Variants in HS3ST4 observed in about 807,000 individuals in gnomAD.
HS3ST4 encodes the protein heparan sulfate glucosamine 3-O-sulfotransferase 4.
In HS3ST4, 17 loss-of-function variants were observed where a neutral mutation model predicts 29.2. That is an observed-to-expected ratio of 0.58 (90% CI 0.40 to 0.87). The LOEUF (loss-of-function observed/expected upper bound fraction) is 0.87. Among genes scored for constraint, HS3ST4 ranks in the 40% least tolerant of loss-of-function variants. The probability of loss-of-function intolerance (pLI) is 0.00; values close to 1 mark genes in which losing one functional copy is unlikely to be tolerated. For synonymous variants in HS3ST4, 314 were observed against 285.7 expected (o/e 1.10, Z -1.00); for missense variants, 627 against 634.5 (o/e 0.99, Z 0.13).
chr16:25,777,496 C>T (rs1041056796), intron 1 of HS3ST4, among the ~76,000 whole-genome samples: 5 of 152,006 alleles, frequency 3.3e-5, no homozygotes, highest in East Asian at 1.9e-4. Flanking sequence ...AGGCTGGGCG[C>T]GGTGGCTCGC....
chr16:26,001,790 A>G (rs371285657), intron 1 of HS3ST4, among the ~76,000 whole-genome samples: 2 of 152,152 alleles, frequency 1.3e-5, no homozygotes, highest in Non-Finnish European at 1.5e-5. Context: ...TCTTTTGAAG[A>G]AAGATCTCAC....
At chr16:25,897,164 A>G (rs372888398) in intron 1 of HS3ST4, among the ~76,000 whole-genome samples, 15 of 152,290 alleles carry the variant, frequency 9.8e-5, no homozygotes, top group African/African-American at 3.4e-4. Flanking sequence ...AGTTGAAAAA[A>G]ATACTGGGGG....
At chr16:25,839,682 A>G (rs1967393921) in intron 1 of HS3ST4, among the ~76,000 whole-genome samples, 1 of 152,228 alleles carries the variant, frequency 6.6e-6, no homozygotes, top group East Asian at 1.9e-4. Context: ...TGATCAGTGA[A>G]TATCGCTCTT....
At chr16:26,057,652 G>A (rs1898426160) in intron 1 of HS3ST4, among the ~76,000 whole-genome samples, 2 of 152,160 alleles carry the variant, frequency 1.3e-5, no homozygotes, top group Admixed American at 1.3e-4. Flanking sequence ...ACTCAGGCAG[G>A]AGAATTGCTT....
chr16:26,003,466 T>C (rs1434924597), intron 1 of HS3ST4, among the ~76,000 whole-genome samples: 2 of 152,176 alleles, frequency 1.3e-5, no homozygotes. Flanking sequence ...TCTGCCTCTC[T>C]CATATTTTGG....
At chr16:25,783,361 G>A (rs1190024958) in intron 1 of HS3ST4, among the ~76,000 whole-genome samples, 1 of 152,146 alleles carries the variant, frequency 6.6e-6, no homozygotes, top group Non-Finnish European at 1.5e-5. Flanking sequence ...AGAACCACAG[G>A]GGTTTAACTT....
chr16:25,937,466 G>A (rs949764193), intron 1 of HS3ST4, among the ~76,000 whole-genome samples: 1 of 152,150 alleles, frequency 6.6e-6, no homozygotes, highest in Non-Finnish European at 1.5e-5. Context: ...ACCTGTAGTG[G>A]TTGGTTGTAG....
intron 1 of HS3ST4, among the ~76,000 whole-genome samples, chr16:25,707,912 T>C (rs932775621): frequency 7.9e-5 from 12 of 152,206 alleles, no homozygotes; most frequent in African/African-American, 2.9e-4. Context: ...TTGTACCACC[T>C]GGACTCACCT....
intron 1 of HS3ST4, among the ~76,000 whole-genome samples, chr16:25,870,688 AC>A (rs1440175120): frequency 6.6e-6 from 1 of 152,206 alleles, no homozygotes; most frequent in Admixed American, 6.5e-5. Context: ...ACATCATCTG[AC>A]TTGGTTTTAA....
At chr16:25,935,049 A>G (rs1295925120) in intron 1 of HS3ST4, among the ~76,000 whole-genome samples, 1 of 152,106 alleles carries the variant, frequency 6.6e-6, no homozygotes, top group Non-Finnish European at 1.5e-5. Context: ...TGATAGTTTT[A>G]TAAGTGTCTG....
chr16:25,766,223 AG>A (rs1353056993), intron 1 of HS3ST4, among the ~76,000 whole-genome samples: 1 of 151,982 alleles, frequency 6.6e-6, no homozygotes, highest in Non-Finnish European at 1.5e-5. Context: ...CCCACCTCCC[AG>A]GGTAGTGAGG....
chr16:25,771,155 A>G (rs1966841511), intron 1 of HS3ST4, among the ~76,000 whole-genome samples: 1 of 151,828 alleles, frequency 6.6e-6, no homozygotes, highest in African/African-American at 2.4e-5. Flanking sequence ...CCACACCCCA[A>G]CAGGCTCCAG....
chr16:25,860,257 T>C (rs1567257885), intron 1 of HS3ST4, among the ~76,000 whole-genome samples: 1 of 152,188 alleles, frequency 6.6e-6, no homozygotes, highest in Non-Finnish European at 1.5e-5. Flanking sequence ...TCATTGCTGG[T>C]GGGAATGCAA....
At chr16:25,892,029 G>T (rs967674864) in intron 1 of HS3ST4, among the ~76,000 whole-genome samples, 2 of 152,146 alleles carry the variant, frequency 1.3e-5, no homozygotes, top group African/African-American at 4.8e-5. Context: ...CCCAACTCAA[G>T]GCAAGGGTTT....
intron 1 of HS3ST4, among the ~76,000 whole-genome samples, chr16:26,123,704 T>C (rs1162404304): frequency 6.6e-6 from 1 of 152,172 alleles, no homozygotes; most frequent in Non-Finnish European, 1.5e-5. Context: ...AAGTCCATTA[T>C]TCATTCTTAT....
intron 1 of HS3ST4, among the ~76,000 whole-genome samples, chr16:25,971,936 A>T (rs1968902834): frequency 6.6e-6 from 1 of 152,140 alleles, no homozygotes. Flanking sequence ...ATCTCAAAAA[A>T]GAAAGAAAGA....
Position 25,941,388 on chromosome 16 carries a change from C to T in HS3ST4, c.735-194224C>T, listed in dbSNP as rs116184560. On this transcript the variant is annotated intron_variant, in intron 1 of 1. Transcript: ENST00000331351. ...TGGTCAGGCTGGTCTTGAACTCCCA[C>T]CTCAGGTGATCTGCCCCACCTTGGC... 4.9e-3 allele frequency among the ~76,000 whole-genome samples: 739 copies of T among 151,380 alleles called. 8 individuals are homozygous for T. Among genetic ancestry groups the T allele is most frequent in the African/African-American group, 0.017 (697 of 41,110 alleles).
At chr16:25,894,837 A>G (rs534810847) in intron 1 of HS3ST4, among the ~76,000 whole-genome samples, 1 of 152,296 alleles carries the variant, frequency 6.6e-6, no homozygotes, top group South Asian at 2.1e-4. Context: ...TCAAGTTGGT[A>G]GGAAAATTCC....
intron 1 of HS3ST4, among the ~76,000 whole-genome samples, chr16:25,994,441 G>A (rs373530453): frequency 7.2e-5 from 11 of 151,752 alleles, no homozygotes; most frequent in African/African-American, 2.7e-4. Flanking sequence ...ATTTCATACA[G>A]TACTGTAAAG....
Sources: gnomAD v4.1 joint callset for allele counts (sites outside exome capture counted in the v4.1 genomes callset) on GRCh38, gnomAD v4.1.1 for gene constraint, MANE v1.5 for transcripts, NCBI Gene and HGNC (gene_info 2026-07-23, HGNC 2026-07-21) for gene names.